The following MYO1B variants were observed in gnomAD, a reference collection of about 807,000 sequenced individuals.
MYO1B encodes unconventional myosin-Ib.
MYO1B carries 72 observed loss-of-function variants against 159.7 expected under a neutral mutation model. The observed-to-expected ratio is 0.45, with a 90% confidence interval of 0.37 to 0.55. The LOEUF is 0.55. MYO1B is among the 20% of genes least tolerant of loss of function. The pLI is 0.00. For missense variants in MYO1B, 1,062 were observed against 1,364.8 expected (o/e 0.78, Z 3.50); for synonymous variants, 468 against 473.8 (o/e 0.99, Z 0.16).
At chr2:191,295,154 T>G (rs1688910737) in intron 2 of MYO1B, among the ~76,000 whole-genome samples, 1 of 152,188 alleles carries the variant, frequency 6.6e-6, no homozygotes, top group African/African-American at 2.4e-5. Flanking sequence ...TTACCACTTT[T>G]GTTGGCACCT....
chr2:191,348,039 A>G (rs1692678663), intron 6 of MYO1B, among the ~76,000 whole-genome samples: 1 of 152,184 alleles, frequency 6.6e-6, no homozygotes, highest in Non-Finnish European at 1.5e-5. Context: ...CCACCACAGC[A>G]GCTGTAGTTT....
intron 24 of MYO1B, among the ~76,000 whole-genome samples, chr2:191,404,644 A>G (rs139092443): frequency 4.6e-4 from 70 of 152,370 alleles, no homozygotes; most frequent in African/African-American, 1.7e-3. Context: ...AATAAAGTGA[A>G]TATCACAATA....
chr2:191,423,189 C>T (rs750402915), intron 30 of MYO1B, among the ~76,000 whole-genome samples: 1 of 152,132 alleles, frequency 6.6e-6, no homozygotes, highest in Non-Finnish European at 1.5e-5. Flanking sequence ...TGTGTACTTA[C>T]ACAAACGTAG....
chr2:191,261,182 G>C (rs949797556), intron 1 of MYO1B, among the ~76,000 whole-genome samples: 4 of 152,182 alleles, frequency 2.6e-5, no homozygotes, highest in African/African-American at 4.8e-5. Context: ...AGACCTGACT[G>C]TGTTAATTCC....
In MYO1B at chr2:191,305,546, A is replaced by G. The variant is rs142137805; in HGVS notation, c.251+9320A>G. Among the ~76,000 whole-genome samples, 307 of 152,334 alleles carry G rather than the reference A, an allele frequency of 2.0e-3. 3 individuals are homozygous for G. The highest frequency in any genetic ancestry group is 7.2e-3 in the African/African-American group (299 of 41,574). On this transcript the variant is annotated intron_variant, in intron 3 of 30. Transcript: ENST00000392318. Reference sequence around the variant, plus strand: ...GTGATTGTTCATTCATCTGATAAACATGATTAAGCATCCACAACATGTTGA... The same window carrying G: ...GTGATTGTTCATTCATCTGATAAACGTGATTAAGCATCCACAACATGTTGA...
At chr2:191,388,451 T>C (rs1440256694) in intron 17 of MYO1B, among the ~76,000 whole-genome samples, 2 of 152,314 alleles carry the variant, frequency 1.3e-5, no homozygotes, top group East Asian at 1.9e-4. Context: ...TCAGATTTCA[T>C]AGAGCACACC....
intron 18 of MYO1B, 106 bp downstream of exon 18, chr2:191,390,598 G>A (rs1458176564): frequency 1.6e-6 from 2 of 1,278,000 alleles, no homozygotes; most frequent in African/African-American, 3.0e-5. Context: ...TGAAAAACTG[G>A]ATGTAACCTC....
At chr2:191,284,962 T>C (rs540942725) in intron 2 of MYO1B, among the ~76,000 whole-genome samples, 4 of 152,270 alleles carry the variant, frequency 2.6e-5, no homozygotes, top group Admixed American at 2.6e-4. Context: ...TTAGTTAGAT[T>C]CTTTCTCTTC....
At position 191,408,253 on chromosome 2, in the gene MYO1B, A is replaced by G. The variant is rs1697049091; in HGVS notation, c.2631+64A>G. On this transcript the variant is annotated intron_variant, in intron 25 of 30. Transcript: ENST00000392318. ...TGGAATTACCCACCTAATATCACCA[A>G]CTCCATAAAATGTGCCTTTTCCTAA... The G allele has an allele frequency of 1.5e-5, 18 of 1,185,332 alleles. No individual in the cohort carries two copies. The South Asian group carries it at 1.9e-4, about 12-fold the overall frequency. The allele number at this position is 1,185,332 out of a possible 1,614,324, so 73.4% of individuals were successfully genotyped here.
intron 11 of MYO1B, among the ~76,000 whole-genome samples, chr2:191,367,458 C>T (rs1694082741): frequency 6.6e-6 from 1 of 152,206 alleles, no homozygotes; most frequent in South Asian, 2.1e-4. Context: ...CCATCATTTC[C>T]TGTTCATTTC....
At chr2:191,383,132 G>T in intron 14 of MYO1B, 148 bp from the exon 15 acceptor site, 1 of 473,014 alleles carries the variant, frequency 2.1e-6, no homozygotes. Context: ...TTTGGGAACT[G>T]CCTGTGACAT....
chr2:191,423,127 G>T (rs370398515), intron 30 of MYO1B, among the ~76,000 whole-genome samples: 13 of 152,244 alleles, frequency 8.5e-5, no homozygotes, highest in African/African-American at 2.6e-4. Flanking sequence ...TTAACTTGGG[G>T]ATGTGTACTA....
intron 13 of MYO1B, among the ~76,000 whole-genome samples, chr2:191,371,786 G>A (rs1298587044): frequency 6.6e-6 from 1 of 152,116 alleles, no homozygotes; most frequent in African/African-American, 2.4e-5. Flanking sequence ...CCAAGCTCCT[G>A]GCCAGCATTG....
At chr2:191,381,105 G>C in intron 13 of MYO1B, 1 of 337,996 alleles carries the variant, frequency 3.0e-6, no homozygotes, top group Non-Finnish European at 5.7e-6. Flanking sequence ...CTGAGAATGG[G>C]AGATTCAGAA....
rs1435296421 is a variant in MYO1B at position 191,393,075 on chromosome 2, A to G, written c.2079A>G (p.Leu693=). 1 of 1,612,940 alleles carries G rather than the reference A, an allele frequency of 6.2e-7. No individual in the cohort carries two copies. Among genetic ancestry groups the G allele is most frequent in the Non-Finnish European group, 8.5e-7 (1 of 1,179,328 alleles). Reference sequence around the variant, plus strand: ...GTCCATCTATCATTTCTTATTAGTTATTCAAATTAGAAGACCTGAGGAAGC... The same window carrying G: ...GTCCATCTATCATTTCTTATTAGTTGTTCAAATTAGAAGACCTGAGGAAGC... ...SKIFIRNPRT[L]FKLEDLRKQR... Residue 693 remains leucine, a splice_region_variant and synonymous_variant, in exon 20 of 31, where the codon TTA becomes TTG. Transcript: ENST00000392318.
rs138338769 is a variant in MYO1B at position 191,348,753 on chromosome 2, T to C, written c.499-1409T>C. Among the ~76,000 whole-genome samples, 6 of 152,382 alleles carry C rather than the reference T, an allele frequency of 3.9e-5. No homozygotes were observed. In the East Asian group the frequency reaches 9.6e-4, roughly 24 times the overall value. ...GCCACCTCCTGTCAGCTACATCTTC[T>C]CTTGCTTCTTTCCTGTTCATTCCAT... On this transcript the variant is annotated intron_variant, in intron 6 of 30. Coordinates refer to ENST00000392318, the MANE Select transcript of MYO1B (RefSeq NM_001130158.3).
At chr2:191,347,175 G>T (rs530499287) in intron 6 of MYO1B, among the ~76,000 whole-genome samples, 1 of 152,082 alleles carries the variant, frequency 6.6e-6, no homozygotes, top group Non-Finnish European at 1.5e-5. Flanking sequence ...TTTAGATCCC[G>T]TTTGGCTCTT....
chr2:191,313,257 C>T (rs1690132746), intron 3 of MYO1B, among the ~76,000 whole-genome samples: 1 of 120,114 alleles, frequency 8.3e-6, no homozygotes, highest in Non-Finnish European at 1.6e-5. Flanking sequence ...GTTGCCCAGG[C>T]TGGAGTGCAG....
intron 3 of MYO1B, among the ~76,000 whole-genome samples, chr2:191,320,939 A>G (rs927123567): frequency 6.6e-6 from 1 of 152,062 alleles, no homozygotes; most frequent in African/African-American, 2.4e-5. Context: ...AGATCTCTGC[A>G]CTTCCACAGT....
Sources: gnomAD v4.1 joint callset for allele counts (sites outside exome capture counted in the v4.1 genomes callset) on GRCh38, gnomAD v4.1.1 for gene constraint, MANE v1.5 for transcripts, NCBI Gene and HGNC (gene_info 2026-07-23, HGNC 2026-07-21) for gene names.